Variants in CEP89 observed in about 807,000 individuals in gnomAD.
CEP89 encodes the protein centrosomal protein of 89 kDa.
Under a neutral mutation model 97.6 loss-of-function variants are expected in CEP89, and 95 were observed. That is an observed-to-expected ratio of 0.97 (90% CI 0.82 to 1.15). The LOEUF is 1.15. Among genes scored for constraint, CEP89 ranks in the 50% most tolerant of loss-of-function variants. The pLI, the probability that CEP89 is intolerant of heterozygous loss-of-function variation, is 0.00. For missense variants in CEP89, 869 were observed against 947.7 expected, an observed-to-expected ratio of 0.92 and a Z score of 1.09; for synonymous variants, 354 against 349.1, an observed-to-expected ratio of 1.01 and a Z score of -0.16.
chr19:32,933,119 C>T (rs867485592), intron 8 of CEP89, among the ~76,000 whole-genome samples: 5 of 152,138 alleles, frequency 3.3e-5, no homozygotes, highest in South Asian at 2.1e-4. Flanking sequence ...GGTAAGTCTA[C>T]GGTAAAGGAG....
chr19:32,919,322 G>A (rs1247983999), intron 12 of CEP89, among the ~76,000 whole-genome samples: 3 of 152,154 alleles, frequency 2.0e-5, no homozygotes, highest in Admixed American at 2.0e-4. Flanking sequence ...TGAGCTGAAG[G>A]GACCTTAGAA....
rs1394433117 is a variant in CEP89, at chr19:32,944,241, T to TAAAAAAAAAAA, written c.595+4024_595+4025insTTTTTTTTTTT. Among the ~76,000 whole-genome samples the TAAAAAAAAAAA allele has an allele frequency of 3.2e-4, 16 of 49,474 alleles. 1 individual carries two copies. The highest frequency in any genetic ancestry group is 9.4e-4 in the South Asian group (1 of 1,064). 32.5% of individuals were successfully genotyped at this position (49,474 alleles called of 152,430 possible). ...CCTGTAAAAAAAAAAAAAAAAAGAC[T>TAAAAAAAAAAA]CTTCTTCTGACTGAGGGGATGAATG... On this transcript the variant is annotated intron_variant, in intron 5 of 18. Coordinates refer to ENST00000305768, the MANE Select transcript of CEP89 (RefSeq NM_032816.5).
At position 32,915,435 on chromosome 19, in the gene CEP89, CTGT is replaced by C. The variant is rs1568557982; in HGVS notation, c.1464_1466del (p.Gln489del). ...GGCATTTGGCACGTAAAATCTCCAG[CTGT>C]TCCCTGTTCTCCGCCAGCTCCTTTT... On this transcript the variant is annotated inframe_deletion, in exon 14 of 19. Coordinates refer to ENST00000305768, the MANE Select transcript of CEP89 (RefSeq NM_032816.5). The C allele has an allele frequency of 6.2e-7, 1 of 1,613,950 alleles. No homozygotes were observed. The highest frequency in any genetic ancestry group is 1.7e-5 in the Admixed American group (1 of 59,976).
chr19:32,894,795 T>C (rs1173563507), intron 16 of CEP89, among the ~76,000 whole-genome samples: 2 of 152,202 alleles, frequency 1.3e-5, no homozygotes, highest in Admixed American at 1.3e-4. Context: ...TGTCTCTTAC[T>C]CTGTCTCTCA....
At chr19:32,960,702 C>T (rs1010313763) in intron 2 of CEP89, among the ~76,000 whole-genome samples, 9 of 151,888 alleles carry the variant, frequency 5.9e-5, no homozygotes, top group Non-Finnish European at 1.2e-4. Context: ...CCCAGCTACT[C>T]AGGAGACTGA....
rs575834134 is a variant in CEP89, at chr19:32,966,358, A to G, written c.146+2T>C. On this transcript the variant is annotated splice_donor_variant, in intron 2 of 18. Transcript: ENST00000305768. LOFTEE classifies it high-confidence loss of function. ...CTCAGTGCCTGCTCATCTGATACTCACCTTGGTCTCTCTGGAGATGGGTTG... is the reference window on the plus strand; with the variant it reads ...CTCAGTGCCTGCTCATCTGATACTCGCCTTGGTCTCTCTGGAGATGGGTTG... 8 of 1,517,572 alleles carry G rather than the reference A, an allele frequency of 5.3e-6. No homozygotes were observed. In the East Asian group the frequency reaches 2.0e-4, roughly 38 times the overall value. The allele number at this position is 1,517,572 out of a possible 1,614,324, so 94.0% of individuals were successfully genotyped here. A position where few individuals can be genotyped will look rare whatever the true frequency, so the allele number is the denominator to read the frequency against.
chr19:32,941,314 C>T (rs1471473495), intron 5 of CEP89, among the ~76,000 whole-genome samples: 1 of 151,618 alleles, frequency 6.6e-6, no homozygotes, highest in Non-Finnish European at 1.5e-5. Context: ...ACTAGCCTGG[C>T]CAACATAGTG....
Position 32,938,557 on chromosome 19 carries a change from A to C in CEP89, c.625-884T>G, listed in dbSNP as rs190192197. 2.7e-3 allele frequency among the ~76,000 whole-genome samples: 408 copies of C among 152,232 alleles called. 6 individuals carry two copies. Among genetic ancestry groups the C allele is most frequent in the Non-Finnish European group, 3.4e-3 (233 of 68,022 alleles). On this transcript the variant is annotated intron_variant, in intron 6 of 18. Transcript: ENST00000305768. ...ACAAAGTAGACAAGGTTATAAATTA[A>C]CTCTGCAGAGAAATGTTTAATTTTT...
chr19:32,937,987 G>A (rs1407974708), intron 6 of CEP89, among the ~76,000 whole-genome samples: 1 of 147,274 alleles, frequency 6.8e-6, no homozygotes, highest in Non-Finnish European at 1.5e-5. Context: ...GATTACACAT[G>A]GGCCATCACA....
Position 32,959,978 on chromosome 19 carries a change from C to T in CEP89, c.227G>A (p.Arg76Gln), listed in dbSNP as rs1971131245. 6.8e-6 allele frequency: 11 copies of T among 1,614,188 alleles called. No homozygotes were observed. The highest frequency in any genetic ancestry group is 3.3e-5 in the Admixed American group (2 of 60,004). Residue 76 changes from arginine to glutamine, a missense_variant, in exon 3 of 19, where the codon CGG (arginine) becomes CAG (glutamine). Coordinates refer to ENST00000305768, the MANE Select transcript of CEP89 (RefSeq NM_032816.5). ...AACACTGCTCACATCACTCTCAGAC[C>T]GGGACCTCTGGCGAGGCTGAGGAAT... ...VAIPQPRQRS[R>Q]SESDVSSVEQ...
At chr19:32,963,286 G>A (rs141704925) in intron 2 of CEP89, among the ~76,000 whole-genome samples, 1 of 152,250 alleles carries the variant, frequency 6.6e-6, no homozygotes, top group Non-Finnish European at 1.5e-5. Context: ...AATCCAGGAG[G>A]CGGAGGTTGA....
intron 14 of CEP89, among the ~76,000 whole-genome samples, chr19:32,913,052 A>T (rs1036049083): frequency 4.0e-5 from 6 of 148,412 alleles, no homozygotes; most frequent in African/African-American, 7.3e-5. Flanking sequence ...AAAAAAATTA[A>T]AAAAAATTTA....
chr19:32,895,432 A>G (rs1969620149), intron 16 of CEP89, among the ~76,000 whole-genome samples: 1 of 152,194 alleles, frequency 6.6e-6, no homozygotes, highest in Non-Finnish European at 1.5e-5. Flanking sequence ...TTCGTGATAA[A>G]AACACTTAAT....
At chr19:32,884,391 A>G (rs1276521576) in intron 17 of CEP89, among the ~76,000 whole-genome samples, 1 of 152,128 alleles carries the variant, frequency 6.6e-6, no homozygotes. Context: ...CAATCCAAAA[A>G]ATATTGTTTT....
intron 9 of CEP89, among the ~76,000 whole-genome samples, chr19:32,929,139 C>G (rs1263162569): frequency 6.6e-6 from 1 of 152,164 alleles, no homozygotes; most frequent in African/African-American, 2.4e-5. Context: ...TGGCAACTCA[C>G]TAAGTCATTA....
At chr19:32,882,072 C>A in intron 17 of CEP89, 59 bp from the exon 18 acceptor site, 1 of 1,451,728 alleles carries the variant, frequency 6.9e-7, no homozygotes, top group Non-Finnish European at 9.4e-7. Context: ...GTGGACAGTG[C>A]CTCCTGGCTG....
intron 14 of CEP89, among the ~76,000 whole-genome samples, chr19:32,904,472 G>A (rs1448375015): frequency 6.6e-6 from 1 of 152,126 alleles, no homozygotes; most frequent in Non-Finnish European, 1.5e-5. Context: ...CGGAAGTACT[G>A]TAAATCTTTC....
chr19:32,903,853 T>A (rs764857099), intron 14 of CEP89, among the ~76,000 whole-genome samples: 4 of 152,120 alleles, frequency 2.6e-5, no homozygotes, highest in Admixed American at 2.0e-4. Context: ...CTTAATGAAC[T>A]TCATGTAGAG....
At chr19:32,969,132 T>G (rs1599790426) in intron 1 of CEP89, 1 of 152,114 alleles carries the variant, frequency 6.6e-6, no homozygotes, top group South Asian at 2.1e-4. Flanking sequence ...GTGGTCTCTG[T>G]AGCTTTCAGC....
Sources: gnomAD v4.1 joint callset for allele counts (sites outside exome capture counted in the v4.1 genomes callset) on GRCh38, gnomAD v4.1.1 for gene constraint, MANE v1.5 for transcripts, NCBI Gene and HGNC (gene_info 2026-07-23, HGNC 2026-07-21) for gene names.